Variants in KRT40 observed in about 807,000 individuals in gnomAD.
KRT40 encodes the protein keratin, type I cytoskeletal 40.
In KRT40, 47 loss-of-function variants were observed where a neutral mutation model predicts 43.5. That is an observed-to-expected ratio of 1.08 (90% confidence interval 0.86 to 1.38). The LOEUF (loss-of-function observed/expected upper bound fraction) is 1.38, where lower values mean the gene tolerates loss of function less well. KRT40 is among the 40% of genes most tolerant of loss of function. The probability of loss-of-function intolerance (pLI) is 0.00; values close to 1 mark genes in which losing one functional copy is unlikely to be tolerated. For synonymous variants in KRT40, 212 were observed against 214.0 expected, an observed-to-expected ratio of 0.99 and a Z score of 0.08; for missense variants, 573 against 523.6, an observed-to-expected ratio of 1.09 and a Z score of -0.92.
rs713430 is a variant in KRT40 at position 40,981,463 on chromosome 17, C to T, written c.688-312G>A. The T allele has an allele frequency of 4.1e-3, 2,183 of 531,230 alleles. 36 individuals are homozygous for T. Among genetic ancestry groups the T allele is most frequent in the African/African-American group, 0.036 (1,879 of 52,438 alleles). 32.9% of individuals were successfully genotyped at this position (531,230 alleles called of 1,614,324 possible). A position where few individuals can be genotyped will look rare whatever the true frequency, so the allele number is the denominator to read the frequency against. ...GTCAATAAATGTTAGCTATGATTGTCATCAACAAACGTTCAAAGAGCAAAT... is the reference window on the plus strand; with the variant it reads ...GTCAATAAATGTTAGCTATGATTGTTATCAACAAACGTTCAAAGAGCAAAT... On this transcript the variant is annotated intron_variant, in intron 3 of 6. Transcript: ENST00000377755.
At chr17:40,980,069 G>C (rs1385212432) in intron 5 of KRT40, among the ~76,000 whole-genome samples, 1 of 152,164 alleles carries the variant, frequency 6.6e-6, no homozygotes, top group African/African-American at 2.4e-5. Context: ...AGAGAGAAGA[G>C]ACTCTGGGAT....
upstream of KRT40, among the ~76,000 whole-genome samples, chr17:40,986,144 A>G (rs1203810009): frequency 1.3e-5 from 2 of 152,246 alleles, no homozygotes; most frequent in Non-Finnish European, 2.9e-5. Flanking sequence ...AGGGAAAAGA[A>G]GTCAGGCTGG....
chr17:40,979,037 A>G lies in KRT40; in HGVS notation c.976-13T>C, dbSNP rs775724480. On this transcript the variant is annotated splice_polypyrimidine_tract_variant and intron_variant, in intron 5 of 6. Transcript: ENST00000377755. ...CCAGAGATTCTGTCTGCGGGAGGAA[A>G]CATTGTCCAAAGGACCATGAAGTGC... 1 of 1,607,372 alleles carries G rather than the reference A, an allele frequency of 6.2e-7. No homozygotes were observed. The highest frequency in any genetic ancestry group is 1.1e-5 in the South Asian group (1 of 90,732).
At chr17:40,985,771 G>T (rs1279658248), upstream of KRT40, among the ~76,000 whole-genome samples, 1 of 152,122 alleles carries the variant, frequency 6.6e-6, no homozygotes, top group Non-Finnish European at 1.5e-5. Flanking sequence ...CAACAAATAT[G>T]AGTTCAAGGA....
upstream of KRT40, chr17:40,986,404 C>T: frequency 6.6e-6 from 1 of 152,350 alleles, no homozygotes; most frequent in African/African-American, 2.4e-5. Flanking sequence ...TAGCTCACTG[C>T]AACCTTAGTG....
intron 3 of KRT40, among the ~76,000 whole-genome samples, chr17:40,981,787 TG>T (rs1232878138): frequency 1.3e-5 from 2 of 152,190 alleles, no homozygotes; most frequent in Admixed American, 6.5e-5. Context: ...CCTCTGGCGC[TG>T]TCTAGGGGTT....
At chr17:40,980,964 G>C (rs771103487) in intron 4 of KRT40, 26 bp downstream of exon 4, 1 of 1,614,150 alleles carries the variant, frequency 6.2e-7, no homozygotes, top group South Asian at 1.1e-5. Flanking sequence ...CTGTAAGCCT[G>C]ACATTTTTTC....
intron 3 of KRT40, among the ~76,000 whole-genome samples, chr17:40,982,068 G>T (rs1912191763): frequency 1.3e-5 from 2 of 151,868 alleles, no homozygotes; most frequent in South Asian, 4.2e-4. Flanking sequence ...TAGTAGAGAT[G>T]AGGTTTCATC....
chr17:40,984,612 G>A (rs1912380721), upstream of KRT40, among the ~76,000 whole-genome samples: 1 of 152,110 alleles, frequency 6.6e-6, no homozygotes, highest in Non-Finnish European at 1.5e-5. Context: ...AGAAAATTTG[G>A]CCAATGAATA....
chr17:40,983,142 C>A lies in KRT40; in HGVS notation c.448-14G>T, dbSNP rs1912275694. 1 of 1,193,538 alleles carries A rather than the reference C, an allele frequency of 8.4e-7. No individual in the cohort carries two copies. The highest frequency in any genetic ancestry group is 1.2e-6 in the Non-Finnish European group (1 of 817,424). The allele number at this position is 1,193,538 out of a possible 1,614,324, so 73.9% of individuals were successfully genotyped here. Reference sequence around the variant, plus strand: ...CGTGCATAAGATCTGGGAAGCAAGTCATTATGTGATAAATGATTCTTTGAG... The same window carrying A: ...CGTGCATAAGATCTGGGAAGCAAGTAATTATGTGATAAATGATTCTTTGAG... On this transcript the variant is annotated splice_polypyrimidine_tract_variant and intron_variant, in intron 1 of 6. Transcript: ENST00000377755.
At chr17:40,979,099 G>A (rs1911975226) in intron 5 of KRT40, 75 bp from the exon 6 acceptor site, 1 of 1,171,320 alleles carries the variant, frequency 8.5e-7, no homozygotes, top group Admixed American at 2.1e-5. Context: ...TCAAATTCCT[G>A]CTTACCCTTT....
In KRT40 at chr17:40,978,797, A is replaced by T; in HGVS notation, c.1196+7T>A. 2.5e-6 allele frequency: 4 copies of T among 1,608,356 alleles called. No homozygotes were observed. Among genetic ancestry groups the T allele is most frequent in the Non-Finnish European group, 3.4e-6 (4 of 1,176,934 alleles). On this transcript the variant is annotated splice_region_variant and intron_variant, in intron 6 of 6. Transcript: ENST00000377755. ...TGGGGGATTTCATGAGTAACTGTGG[A>T]ACTTGCCTGCTGTCCTCGCTGTCCA...
chr17:40,978,390 A>T lies in KRT40; in HGVS notation c.1197-94T>A. On this transcript the variant is annotated intron_variant, in intron 6 of 6. Coordinates refer to ENST00000377755, the MANE Select transcript of KRT40 (RefSeq NM_001389244.1). ...CGTGTCAAAATTTGCCCTACAAATT[A>T]TGTTCTGAAAAAAACTCTGCACAAT... 3.9e-6 allele frequency: 4 copies of T among 1,012,716 alleles called. No individual in the cohort carries two copies. In the Admixed American group the frequency reaches 7.3e-5, roughly 19 times the overall value. The allele number at this position is 1,012,716 out of a possible 1,614,324, so 62.7% of individuals were successfully genotyped here.
intron 1 of KRT40, 142 bp from the exon 2 acceptor site, chr17:40,983,270 A>G (rs1912284181): frequency 6.0e-6 from 3 of 496,572 alleles, no homozygotes; most frequent in Non-Finnish European, 1.1e-5. Flanking sequence ...TTTTTTTATT[A>G]ACCTTGTCAC....
At position 40,979,004 on chromosome 17, in the gene KRT40, G is replaced by C; in HGVS notation, c.996C>G (p.Thr332=). The C allele has an allele frequency of 6.2e-7, 1 of 1,613,720 alleles. No individual in the cohort carries two copies. The highest frequency in any genetic ancestry group is 8.5e-7 in the Non-Finnish European group (1 of 1,179,738). The change falls in exon 6 of 7, where the codon ACC becomes ACG. Residue 332 remains threonine, a synonymous_variant. Coordinates refer to ENST00000377755, the MANE Select transcript of KRT40 (RefSeq NM_001389244.1). Reference sequence around the variant, plus strand: ...TGTACTGGGCCTCGGTTTCTGCCACGGTGCATTCCAGAGATTCTGTCTGCG... The same window carrying C: ...TGTACTGGGCCTCGGTTTCTGCCACCGTGCATTCCAGAGATTCTGTCTGCG... The part of the protein sequence containing the change: ...QQSLTESLEC[T]VAETEAQYSS...
At chr17:40,983,551 G>T (rs186076223) in intron 1 of KRT40, among the ~76,000 whole-genome samples, 1 of 152,132 alleles carries the variant, frequency 6.6e-6, no homozygotes, top group Admixed American at 6.5e-5. Context: ...GTACAAAAGC[G>T]ATTTTGGATA....
chr17:40,983,868 A>AT lies in KRT40; in HGVS notation c.405_406insA (p.Tyr136IlefsTer9). 1 of 1,614,124 alleles carries AT rather than the reference A, an allele frequency of 6.2e-7. No homozygotes were observed. On this transcript the variant is annotated frameshift_variant, in exon 1 of 7. Coordinates refer to ENST00000377755, the MANE Select transcript of KRT40 (RefSeq NM_001389244.1). LOFTEE classifies it high-confidence loss of function. The stretch of plus-strand genomic sequence containing the variant: ...TCAATGGTGTTGAAGTAACGCTGAT[A>AT]ATCCGGGCACACCATTGGGATATCC...
intron 5 of KRT40, among the ~76,000 whole-genome samples, chr17:40,979,500 C>CAA (rs35017931): frequency 1.5e-5 from 2 of 129,112 alleles, no homozygotes; most frequent in Non-Finnish European, 1.8e-5. Flanking sequence ...AGACTCCGTC[C>CAA]AAAAAAAAAA....
At chr17:40,986,669 A>G (rs948723625), upstream of KRT40, among the ~76,000 whole-genome samples, 3 of 152,028 alleles carry the variant, frequency 2.0e-5, no homozygotes, top group African/African-American at 4.8e-5. Context: ...ATAGCATATC[A>G]TCACCAGAAG....
Sources: allele counts gnomAD v4.1 joint callset (sites outside exome capture counted in the v4.1 genomes callset), GRCh38; gene constraint gnomAD v4.1.1; transcripts MANE v1.5; gene names NCBI Gene and HGNC (gene_info 2026-07-23, HGNC 2026-07-21).